TEKT1: variants seen among roughly 807,000 people sequenced by gnomAD.
TEKT1 encodes tektin 1.
A neutral mutation model predicts 34.8 loss-of-function variants in TEKT1; 32 were observed. The observed-to-expected ratio is 0.92, with a 90% CI of 0.69 to 1.23. The LOEUF is 1.23. Ranked by LOEUF, TEKT1 falls within the 50% of genes most tolerant of loss-of-function variation. The pLI is 0.00. For synonymous variants in TEKT1, 207 were observed against 199.8 expected, an observed-to-expected ratio of 1.04 and a Z score of -0.30; for missense variants, 492 against 518.5, an observed-to-expected ratio of 0.95 and a Z score of 0.50.
chr17:6,806,231 T>G (rs991326285), intron 6 of TEKT1, among the ~76,000 whole-genome samples: 13 of 152,250 alleles, frequency 8.5e-5, no homozygotes, highest in Non-Finnish European at 1.8e-4. Context: ...ATGCCCTCCT[T>G]TGTCTCTTTT....
chr17:6,815,722 A>G (rs1200125688), intron 4 of TEKT1, 112 bp downstream of exon 4: 6 of 1,477,150 alleles, frequency 4.1e-6, no homozygotes, highest in Non-Finnish European at 2.7e-6. Context: ...ACAAAGTGGG[A>G]GCGGGAATGT....
At position 6,799,875 on chromosome 17, in the gene TEKT1, C is replaced by G; in HGVS notation, c.*152G>C. ...ACACCAGCATAAGAGAAGAAACTCG[C>G]CCCAAAATCAGCCCCCTGAGCAGGC... On this transcript the variant is annotated 3_prime_UTR_variant, in exon 8 of 8. Transcript: ENST00000338694. 1.6e-6 allele frequency: 1 copy of G among 644,846 alleles called. No individual in the cohort carries two copies. Among genetic ancestry groups the G allele is most frequent in the Non-Finnish European group, 2.5e-6 (1 of 394,910 alleles). 39.9% of individuals were successfully genotyped at this position (644,846 alleles called of 1,614,324 possible).
chr17:6,800,213 T>C lies in TEKT1; in HGVS notation c.1071A>G (p.Gln357=), dbSNP rs201697287. ...GCAGCCCTTTCAGCTCTGCCTGAGCTTGGGCTAAAGTTTCCTTCAATCTAG... is the reference window on the plus strand; with the variant it reads ...GCAGCCCTTTCAGCTCTGCCTGAGCCTGGGCTAAAGTTTCCTTCAATCTAG... ...NVARLKETLA[Q]AQAELKGLHR... Residue 357 remains glutamine, a synonymous_variant, in exon 8 of 8, where the codon CAA becomes CAG. Coordinates refer to ENST00000338694, the MANE Select transcript of TEKT1 (RefSeq NM_053285.2). 23 of 1,614,038 alleles carry C rather than the reference T, an allele frequency of 1.4e-5. No individual in the cohort carries two copies. The African/African-American group carries it at 2.9e-4, about 21-fold the overall frequency.
chr17:6,804,599 C>T (rs1226763334), intron 6 of TEKT1, among the ~76,000 whole-genome samples: 2 of 151,986 alleles, frequency 1.3e-5, no homozygotes, highest in Non-Finnish European at 2.9e-5. Context: ...CTGTGGGTTT[C>T]TTATAGATAG....
At chr17:6,816,647 T>C (rs1977012193) in intron 3 of TEKT1, among the ~76,000 whole-genome samples, 1 of 152,158 alleles carries the variant, frequency 6.6e-6, no homozygotes, top group African/African-American at 2.4e-5. Flanking sequence ...GACATTTGGG[T>C]TGGTTCCAAG....
intron 6 of TEKT1, among the ~76,000 whole-genome samples, chr17:6,807,170 T>C (rs1305286205): frequency 6.6e-6 from 1 of 152,202 alleles, no homozygotes; most frequent in Non-Finnish European, 1.5e-5. Flanking sequence ...TTCGTTTCTT[T>C]TCATTCTTTT....
At chr17:6,829,185 A>G (rs1904493503) in intron 2 of TEKT1, among the ~76,000 whole-genome samples, 1 of 152,170 alleles carries the variant, frequency 6.6e-6, no homozygotes, top group Non-Finnish European at 1.5e-5. Context: ...TAAGTAAGGA[A>G]TTGTCAAGAG....
Position 6,830,262 on chromosome 17 carries a change from C to A in TEKT1, c.115G>T (p.Ala39Ser), listed in dbSNP as rs748608571. 2 of 1,613,078 alleles carry A rather than the reference C, an allele frequency of 1.2e-6. No homozygotes were observed. The highest frequency in any genetic ancestry group is 8.5e-7 in the Non-Finnish European group (1 of 1,179,852). Reference protein sequence around the residue: ...AQRSRSERLVAESQRLVDEIE... With the variant: ...AQRSRSERLVSESQRLVDEIE... ...TCATCCACAAGCCTCTGGCTTTCTGCGACCAGGCGTTCTGATCGGGACCTT... is the reference window on the plus strand; with the variant it reads ...TCATCCACAAGCCTCTGGCTTTCTGAGACCAGGCGTTCTGATCGGGACCTT... The change falls in exon 2 of 8, where the codon GCA (alanine) becomes TCA (serine). Residue 39 changes from alanine to serine, a missense_variant. By Grantham distance (99) the Ala-to-Ser change is moderately conservative. Transcript: ENST00000338694.
intron 4 of TEKT1, 79 bp from the exon 5 acceptor site, chr17:6,815,385 G>A: frequency 5.1e-6 from 8 of 1,569,378 alleles, no homozygotes; most frequent in Non-Finnish European, 7.0e-6. Context: ...GTCCTGGAAA[G>A]TGAAGCTGCA....
chr17:6,806,694 C>A (rs1278034195), intron 6 of TEKT1, among the ~76,000 whole-genome samples: 1 of 152,186 alleles, frequency 6.6e-6, no homozygotes, highest in Non-Finnish European at 1.5e-5. Flanking sequence ...ATTTGCTTGT[C>A]TGTAAAGGAT....
At chr17:6,805,283 T>C (rs1976828108) in intron 6 of TEKT1, among the ~76,000 whole-genome samples, 1 of 152,194 alleles carries the variant, frequency 6.6e-6, no homozygotes, top group Non-Finnish European at 1.5e-5. Flanking sequence ...TGCTGGTAAT[T>C]TGTATTTCTG....
chr17:6,802,460 T>A (rs1327831527), intron 6 of TEKT1, among the ~76,000 whole-genome samples: 1 of 151,918 alleles, frequency 6.6e-6, no homozygotes, highest in Non-Finnish European at 1.5e-5. Context: ...TATTTATTTA[T>A]TTTTTTAAGG....
Position 6,800,188 on chromosome 17 carries a change from G to A in TEKT1, c.1096C>T (p.His366Tyr). 3 of 1,614,164 alleles carry A rather than the reference G, an allele frequency of 1.9e-6. No homozygotes were observed. The highest frequency in any genetic ancestry group is 2.5e-6 in the Non-Finnish European group (3 of 1,180,028). ...AQAQAELKGLHRRQLALQEEI... is the reference protein window; with the variant it reads ...AQAQAELKGLYRRQLALQEEI... ...TCCTGCAGGGCAAGCTGTCTGCGAT[G>A]CAGCCCTTTCAGCTCTGCCTGAGCT... Residue 366 changes from histidine (H) to tyrosine (Y), a missense_variant, in exon 8 of 8, where the codon CAT becomes TAT. By Grantham distance (83) the His-to-Tyr change is moderately conservative (BLOSUM62 2). Transcript: ENST00000338694.
chr17:6,813,576 A>ACACC (rs1386073492), intron 5 of TEKT1, among the ~76,000 whole-genome samples: 10 of 151,852 alleles, frequency 6.6e-5, no homozygotes, highest in African/African-American at 2.4e-4. Flanking sequence ...ACACACACAC[A>ACACC]CACACACACA....
chr17:6,823,976 CCAT>C (rs753390584), intron 2 of TEKT1, among the ~76,000 whole-genome samples: 4 of 152,044 alleles, frequency 2.6e-5, no homozygotes, highest in African/African-American at 4.8e-5. Context: ...GTGCCCACCA[CCAT>C]GCCTGGCTAA....
chr17:6,803,104 A>G (rs1035202291), intron 6 of TEKT1, among the ~76,000 whole-genome samples: 2 of 151,966 alleles, frequency 1.3e-5, no homozygotes, highest in Non-Finnish European at 2.9e-5. Flanking sequence ...ATTTCTCCAC[A>G]TCCTCTCCAG....
chr17:6,819,299 G>A lies in TEKT1; in HGVS notation c.250C>T (p.Leu84Phe). 6.2e-7 allele frequency: 1 copy of A among 1,614,022 alleles called. No homozygotes were observed. Among genetic ancestry groups the A allele is most frequent in the East Asian group, 2.2e-5 (1 of 44,878 alleles). ...AGTAGATCATCAGTTACATTCACAA[G>A]CTGCTCAAGTTTGTCATCTAACTCC... ...KKELDDKLEQ[L>F]VNVTDDLLIY... The change falls in exon 3 of 8, where the codon CTT (leucine) becomes TTT (phenylalanine). Residue 84 changes from leucine to phenylalanine, a missense_variant. Leu to Phe is a conservative substitution (Grantham distance 22). Transcript: ENST00000338694.
At chr17:6,831,273 G>A in intron 1 of TEKT1, among the ~76,000 whole-genome samples, 1 of 152,158 alleles carries the variant, frequency 6.6e-6, no homozygotes, top group East Asian at 1.9e-4. Flanking sequence ...AGACAGGGCT[G>A]AAATCTGCCC....
intron 6 of TEKT1, among the ~76,000 whole-genome samples, chr17:6,803,641 G>T (rs1976807205): frequency 6.6e-6 from 1 of 152,100 alleles, no homozygotes; most frequent in Non-Finnish European, 1.5e-5. Context: ...TTTGTATAAG[G>T]TGTAAGGAAG....
Sources: gnomAD v4.1 joint callset for allele counts (sites outside exome capture counted in the v4.1 genomes callset) on GRCh38, gnomAD v4.1.1 for gene constraint, MANE v1.5 for transcripts, NCBI Gene and HGNC (gene_info 2026-07-23, HGNC 2026-07-21) for gene names.